Variants in GABRB3 observed in about 807,000 individuals in gnomAD.
GABRB3 encodes gamma-aminobutyric acid type A receptor subunit beta3, also known as gamma-aminobutyric acid receptor subunit beta-3.
GABRB3 carries 14 observed loss-of-function variants against 52.1 expected under a neutral mutation model. That is an observed-to-expected ratio of 0.27 (90% CI 0.18 to 0.42). GABRB3 has a LOEUF of 0.42. GABRB3 is among the 10% of genes least tolerant of loss of function. The pLI is 1.00. For missense variants in GABRB3, 307 were observed against 609.1 expected, an observed-to-expected ratio of 0.50 and a Z score of 5.22; for synonymous variants, 260 against 232.3, an observed-to-expected ratio of 1.12 and a Z score of -1.08.
At position 26,543,690 on chromosome 15, in the gene GABRB3, A is replaced by G. The variant is rs1294967125; in HGVS notation, c.*4103T>C. 6.6e-6 allele frequency: 1 copy of G among 152,638 alleles called. No homozygotes were observed. The highest frequency in any genetic ancestry group is 1.5e-5 in the Non-Finnish European group (1 of 68,036). 9.5% of individuals were successfully genotyped at this position (152,638 alleles called of 1,614,324 possible). On this transcript the variant is annotated 3_prime_UTR_variant, in exon 9 of 9. Transcript: ENST00000311550. ...ATGTGCTTAAGCAAAACTGGGTTTA[A>G]ATTTATCTTTACAATAAAATGAAAT...
intron 3 of GABRB3, among the ~76,000 whole-genome samples, chr15:26,700,025 CAA>C (rs1042097433): frequency 2.0e-5 from 3 of 150,508 alleles, no homozygotes; most frequent in Admixed American, 6.6e-5. Context: ...AGAGAGAAAA[CAA>C]AAACAATACT....
chr15:26,551,584 C>T lies in GABRB3; in HGVS notation c.1081-3450G>A, dbSNP rs573244980. On this transcript the variant is annotated intron_variant, in intron 8 of 8. Transcript: ENST00000311550. ...CCAATCCCACCCCGGCCCATGCACT[C>T]CTGTCCCCTGTGAGCTCCTAGCAGG... is the stretch of plus-strand genomic sequence containing the variant. Among the ~76,000 whole-genome samples, 3 of 152,332 alleles carry T rather than the reference C, an allele frequency of 2.0e-5. No individual in the cohort carries two copies. In the East Asian group the frequency reaches 5.8e-4, roughly 29 times the overall value.
intron 3 of GABRB3, among the ~76,000 whole-genome samples, chr15:26,728,134 T>C (rs577786945): frequency 3.3e-5 from 5 of 152,296 alleles, no homozygotes; most frequent in African/African-American, 1.2e-4. Flanking sequence ...AGTGAGACAT[T>C]CCTCCAGGGA....
chr15:26,739,379 A>G (rs1385753018), intron 3 of GABRB3, among the ~76,000 whole-genome samples: 1 of 152,066 alleles, frequency 6.6e-6, no homozygotes, highest in Non-Finnish European at 1.5e-5. Flanking sequence ...CTAAAAATCC[A>G]GACAGCTTTA....
chr15:26,682,163 G>A (rs28492004), intron 3 of GABRB3, among the ~76,000 whole-genome samples: 1,652 of 152,030 alleles, frequency 0.011, 28 homozygotes, highest in African/African-American at 0.037. Flanking sequence ...ATTTCTCAAC[G>A]GTGCCGCGAA....
intron 3 of GABRB3, among the ~76,000 whole-genome samples, chr15:26,706,416 G>T (rs527466303): frequency 5.5e-5 from 8 of 146,336 alleles, no homozygotes; most frequent in African/African-American, 2.0e-4. Context: ...AGTCACTTAG[G>T]GCTTTGGAAT....
chr15:26,770,086 C>T (rs1000140318), intron 3 of GABRB3, among the ~76,000 whole-genome samples: 2 of 152,180 alleles, frequency 1.3e-5, no homozygotes, highest in Non-Finnish European at 2.9e-5. Flanking sequence ...CTATTTGAGG[C>T]TCCTTTAGGA....
chr15:26,583,372 G>A lies in GABRB3; in HGVS notation c.504C>T (p.Tyr168=). 1 of 1,614,016 alleles carries A rather than the reference G, an allele frequency of 6.2e-7. No homozygotes were observed. Among genetic ancestry groups the A allele is most frequent in the Middle Eastern group, 1.6e-4 (1 of 6,062 alleles). ...GAGTGCAGTTCTGCTCGTCCAGGGG[G>A]TATCTCCTGAGGTCCATCATGCATG... ...TAACMMDLRR[Y]PLDEQNCTLE... is the part of the protein sequence containing the mutation. The change falls in exon 5 of 9, where the codon TAC becomes TAT. Residue 168 remains tyrosine (Y), a synonymous_variant. Coordinates refer to ENST00000311550, the MANE Select transcript of GABRB3 (RefSeq NM_000814.6).
intron 2 of GABRB3, 90 bp downstream of exon 2, chr15:26,772,591 G>A (rs1891180887): frequency 7.0e-7 from 1 of 1,429,268 alleles, no homozygotes; most frequent in Non-Finnish European, 9.4e-7. Context: ...ACCCGCCGCT[G>A]CTCCGCGGAT....
At chr15:26,565,243 C>G in intron 7 of GABRB3, among the ~76,000 whole-genome samples, 1 of 152,180 alleles carries the variant, frequency 6.6e-6, no homozygotes, top group East Asian at 1.9e-4. Context: ...AATTCACCAA[C>G]TGACATTTCC....
At chr15:26,584,286 A>T (rs1260387006) in intron 4 of GABRB3, among the ~76,000 whole-genome samples, 1 of 152,180 alleles carries the variant, frequency 6.6e-6, no homozygotes, top group African/African-American at 2.4e-5. Context: ...TCTTGTCTAT[A>T]GGCTCTCTAG....
At chr15:26,683,763 T>C (rs1428506440) in intron 3 of GABRB3, among the ~76,000 whole-genome samples, 2 of 152,118 alleles carry the variant, frequency 1.3e-5, no homozygotes, top group Admixed American at 6.5e-5. Context: ...TTAGCCACTC[T>C]AAAACTATAT....
intron 3 of GABRB3, among the ~76,000 whole-genome samples, chr15:26,764,354 A>G (rs1890937521): frequency 6.6e-6 from 1 of 151,292 alleles, no homozygotes; most frequent in African/African-American, 2.4e-5. Flanking sequence ...TCTTTTAAAA[A>G]CAAATTAGGA....
At chr15:26,754,057 T>C (rs1409527176) in intron 3 of GABRB3, among the ~76,000 whole-genome samples, 1 of 152,228 alleles carries the variant, frequency 6.6e-6, no homozygotes, top group Admixed American at 6.5e-5. Flanking sequence ...TTGCTTCAGA[T>C]GTTTTCCCCA....
chr15:26,633,913 G>A lies in GABRB3; in HGVS notation c.241-12379C>T, dbSNP rs77802541. Among the ~76,000 whole-genome samples the A allele has an allele frequency of 2.0e-3, 302 of 152,310 alleles. 3 individuals carry two copies. The highest frequency in any genetic ancestry group is 6.9e-3 in the African/African-American group (285 of 41,550). ...TTTGAGCGTTAGCCGTCTCTTGGCC[G>A]CCGGCTAAATAAACGGACTCTTAAT... On this transcript the variant is annotated intron_variant, in intron 3 of 8. Transcript: ENST00000311550.
intron 3 of GABRB3, among the ~76,000 whole-genome samples, chr15:26,771,356 AAAGC>A (rs1180519652): frequency 5.3e-5 from 8 of 152,280 alleles, no homozygotes; most frequent in South Asian, 2.1e-4. Context: ...GCACGCATTT[AAAGC>A]AAGTTTGCCC....
At position 26,738,570 on chromosome 15, in the gene GABRB3, C is replaced by T. The variant is rs565855428; in HGVS notation, c.240+33832G>A. On this transcript the variant is annotated intron_variant, in intron 3 of 8. Transcript: ENST00000311550. The stretch of plus-strand genomic sequence containing the variant: ...GAAAGCTAAGCTTGTGGTGAATACT[C>T]TCACACACTGAGACTGCAAACCGCA... Among the ~76,000 whole-genome samples, 3 of 152,296 alleles carry T rather than the reference C, an allele frequency of 2.0e-5. No individual in the cohort carries two copies. In the South Asian group the frequency reaches 6.2e-4, roughly 32 times the overall value.
intron 3 of GABRB3, among the ~76,000 whole-genome samples, chr15:26,655,697 G>A (rs1373336139): frequency 1.3e-5 from 2 of 150,846 alleles, no homozygotes; most frequent in African/African-American, 4.9e-5. Context: ...AGCCAAGATC[G>A]TGCCACTGCA....
At chr15:26,634,370 A>G (rs531097438) in intron 3 of GABRB3, among the ~76,000 whole-genome samples, 15 of 152,222 alleles carry the variant, frequency 9.9e-5, no homozygotes, top group African/African-American at 3.6e-4. Context: ...AACCAGAAGC[A>G]ATATACCAGC....
Sources: gnomAD v4.1 joint callset for allele counts (sites outside exome capture counted in the v4.1 genomes callset) on GRCh38, gnomAD v4.1.1 for gene constraint, MANE v1.5 for transcripts, NCBI Gene and HGNC (gene_info 2026-07-23, HGNC 2026-07-21) for gene names.